Variants in EIF3A observed in about 807,000 individuals in gnomAD.
EIF3A encodes the protein eukaryotic translation initiation factor 3 subunit A.
In EIF3A, 21 loss-of-function variants were observed where a neutral mutation model predicts 186.6. That is an observed-to-expected ratio of 0.11 (90% confidence interval 0.08 to 0.16). EIF3A has a LOEUF of 0.16. EIF3A is among the 10% of genes least tolerant of loss of function. The pLI is 1.00. For synonymous variants in EIF3A, 563 were observed against 584.3 expected (o/e 0.96, Z 0.52); for missense variants, 1,306 against 1,796.3 (o/e 0.73, Z 4.93).
rs1156657149 is a variant in EIF3A, at chr10:119,070,982, A to G, written c.645T>C (p.Ser215=). The change falls in exon 5 of 22, where the codon AGT becomes AGC. Residue 215 remains serine, a synonymous_variant. Coordinates refer to ENST00000369144, the MANE Select transcript of EIF3A (RefSeq NM_003750.4). ...CTGGATTATTAAGATTGATTGCCGTACTTTGGTTATGGTGGCGCTGAATCT... is the reference window on the plus strand; with the variant it reads ...CTGGATTATTAAGATTGATTGCCGTGCTTTGGTTATGGTGGCGCTGAATCT... ...LSQIQRHHNQ[S]TAINLNNPES... 4 of 1,613,980 alleles carry G rather than the reference A, an allele frequency of 2.5e-6. No homozygotes were observed. Among genetic ancestry groups the G allele is most frequent in the Non-Finnish European group, 3.4e-6 (4 of 1,179,824 alleles).
chr10:119,044,567 G>C (rs1848256816), intron 17 of EIF3A, among the ~76,000 whole-genome samples: 1 of 152,184 alleles, frequency 6.6e-6, no homozygotes, highest in South Asian at 2.1e-4. Flanking sequence ...TACTCTGATG[G>C]GCCGGGCGCG....
chr10:119,070,695 A>C (rs1844057672), intron 5 of EIF3A, among the ~76,000 whole-genome samples, 191 bp downstream of exon 5: 2 of 152,244 alleles, frequency 1.3e-5, no homozygotes, highest in South Asian at 4.1e-4. Context: ...TCCAGAATTC[A>C]TAGAAGGCAA....
chr10:119,036,088 C>G lies in EIF3A; in HGVS notation c.4100G>C (p.Arg1367Pro). 1 of 1,614,002 alleles carries G rather than the reference C, an allele frequency of 6.2e-7. No homozygotes were observed. Among genetic ancestry groups the G allele is most frequent in the Non-Finnish European group, 8.5e-7 (1 of 1,179,968 alleles). Residue 1367 changes from arginine to proline, a missense_variant, in exon 22 of 22, where the codon CGT (arginine) becomes CCT (proline). Coordinates refer to ENST00000369144, the MANE Select transcript of EIF3A (RefSeq NM_003750.4). ...RAEKDRESLR[R>P]TKNETDEDGW... is the part of the protein sequence containing the mutation. ...ATCTTCATCAGTCTCATTTTTAGTA[C>G]GACGGAGAGATTCCCTATCTTTCTC... is the stretch of plus-strand genomic sequence containing the variant.
At chr10:119,079,473 A>T (rs768638385) in intron 1 of EIF3A, among the ~76,000 whole-genome samples, 8 of 152,210 alleles carry the variant, frequency 5.3e-5, no homozygotes, top group Non-Finnish European at 1.0e-4. Flanking sequence ...GTAACTCACA[A>T]GGTATATTCA....
intron 1 of EIF3A, 82 bp downstream of exon 1, chr10:119,080,546 G>C: frequency 4.7e-6 from 7 of 1,484,342 alleles, no homozygotes; most frequent in Non-Finnish European, 6.2e-6. Flanking sequence ...CCGGGCGGCG[G>C]AGCAGTGGGA....
chr10:119,049,277 T>C (rs891526765), intron 17 of EIF3A, among the ~76,000 whole-genome samples: 1 of 152,120 alleles, frequency 6.6e-6, no homozygotes, highest in African/African-American at 2.4e-5. Flanking sequence ...CTGGCCAACA[T>C]GGTGAAACCA....
chr10:119,072,024 C>CAAAAAAAAAAAA (rs56100757), intron 4 of EIF3A, among the ~76,000 whole-genome samples: 3 of 59,446 alleles, frequency 5.0e-5, no homozygotes, highest in African/African-American at 1.2e-4. Flanking sequence ...GACTCTGTCT[C>CAAAAAAAAAAAA]AAAAAAAAAA....
intron 17 of EIF3A, among the ~76,000 whole-genome samples, chr10:119,047,252 A>G (rs1848293295): frequency 1.3e-5 from 2 of 152,170 alleles, no homozygotes; most frequent in Non-Finnish European, 2.9e-5. Flanking sequence ...TGGGCAACAG[A>G]GCGAGACTGT....
intron 17 of EIF3A, among the ~76,000 whole-genome samples, chr10:119,048,670 TCTTTTTTTTTTTTTCCCCTGAGA>T (rs1848315051): frequency 6.6e-6 from 1 of 151,056 alleles, no homozygotes; most frequent in Admixed American, 6.6e-5. Flanking sequence ...AATTCACGAT[TCTTTTTTTTTTTTTCCCCTGAGA>T]CAGAGTCTTG....
intron 1 of EIF3A, among the ~76,000 whole-genome samples, chr10:119,077,962 T>A (rs1038656187): frequency 6.6e-6 from 1 of 152,164 alleles, no homozygotes; most frequent in Non-Finnish European, 1.5e-5. Context: ...AGATTAATAT[T>A]ATAGAAATAA....
chr10:119,046,323 G>C (rs1848282174), intron 17 of EIF3A, among the ~76,000 whole-genome samples: 1 of 152,098 alleles, frequency 6.6e-6, no homozygotes, highest in African/African-American at 2.4e-5. Flanking sequence ...GCCAAATAAT[G>C]AACCATTTAT....
rs1261567281 is a variant in EIF3A at position 119,036,172 on chromosome 10, C to A, written c.4016G>T (p.Arg1339Leu). The change falls in exon 22 of 22, where the codon CGA becomes CTA. Residue 1339 changes from arginine to leucine, a missense_variant. Physicochemically the swap from Arg to Leu is moderately radical, Grantham distance 102. Transcript: ENST00000369144. ...RVPPPALSRDRERDRDREREG... is the reference protein window; with the variant it reads ...RVPPPALSRDLERDRDREREG... ...TCTTTCTCGGTCTCGGTCTCTTTCT[C>A]GGTCTCTTGAAAGAGCTGGGGGAGG... 1.9e-6 allele frequency: 3 copies of A among 1,613,576 alleles called. No individual in the cohort carries two copies. Among genetic ancestry groups the A allele is most frequent in the Non-Finnish European group, 2.5e-6 (3 of 1,179,808 alleles).
In EIF3A at chr10:119,056,768, T is replaced by C. The variant is rs1441777776; in HGVS notation, c.2168A>G (p.Asp723Gly). ...AYEEQRIKDM[D>G]LWEQQEEERI... ...TTCTTCCTCTTGTTGCTCCCACAGA[T>C]CCATGTCTTTAATTCTCTGTTCCTC... The change falls in exon 14 of 22, where the codon GAT becomes GGT. Residue 723 changes from aspartate (D) to glycine (G), a missense_variant. Asp to Gly is a moderately conservative substitution (Grantham distance 94, BLOSUM62 -1). Around this residue, in one of 8 missense-constraint regions of EIF3A, gnomAD observed 94 missense variants for 204.9 expected, o/e 0.46. Coordinates refer to ENST00000369144, the MANE Select transcript of EIF3A (RefSeq NM_003750.4). 6.2e-7 allele frequency: 1 copy of C among 1,611,176 alleles called. No homozygotes were observed. Among genetic ancestry groups the C allele is most frequent in the Non-Finnish European group, 8.5e-7 (1 of 1,177,760 alleles).
At chr10:119,053,587 T>C (rs1003922928) in intron 14 of EIF3A, among the ~76,000 whole-genome samples, 14 of 145,594 alleles carry the variant, frequency 9.6e-5, no homozygotes, top group Non-Finnish European at 1.5e-4. Flanking sequence ...AAGCTAGGCA[T>C]GGTGGTGCAT....
chr10:119,072,043 A>AAAAG (rs1165520354), intron 4 of EIF3A, among the ~76,000 whole-genome samples: 9 of 131,552 alleles, frequency 6.8e-5, no homozygotes, highest in East Asian at 2.2e-4. Context: ...AAAAAAAAAA[A>AAAAG]AAAGAAAGAA....
intron 1 of EIF3A, among the ~76,000 whole-genome samples, chr10:119,074,475 A>ATAAAAT (rs11410769): frequency 6.6e-6 from 1 of 151,824 alleles, no homozygotes; most frequent in Non-Finnish European, 1.5e-5. Context: ...CTCAAAAAAA[A>ATAAAAT]AAAATAAAAT....
At chr10:119,059,539 A>C (rs1372449651) in intron 10 of EIF3A, 63 bp downstream of exon 10, 26 of 1,397,480 alleles carry the variant, frequency 1.9e-5, no homozygotes, top group Non-Finnish European at 2.5e-5. Context: ...GCTGAGAAAC[A>C]GAAGGTATGT....
Position 119,033,778 on chromosome 10 carries a change from C to G in EIF3A, c.*2261G>C, listed in dbSNP as rs938155208. 1.2e-5 allele frequency: 2 copies of G among 166,726 alleles called. No homozygotes were observed. The highest frequency in any genetic ancestry group is 2.9e-5 in the Non-Finnish European group (2 of 68,100). 10.3% of individuals were successfully genotyped at this position (166,726 alleles called of 1,614,324 possible). A position where few individuals can be genotyped will look rare whatever the true frequency, so the allele number is the denominator to read the frequency against. ...AGTTTGTTAGTCCTGATTTTCTAAT[C>G]GTAGCCACTCAAGGAACAGTCCTTT... On this transcript the variant is annotated 3_prime_UTR_variant, in exon 22 of 22. Coordinates refer to ENST00000369144, the MANE Select transcript of EIF3A (RefSeq NM_003750.4).
In EIF3A at chr10:119,036,252, A is replaced by G; in HGVS notation, c.3936T>C (p.Arg1312=). The G allele has an allele frequency of 6.2e-7, 1 of 1,613,604 alleles. No individual in the cohort carries two copies. Among genetic ancestry groups the G allele is most frequent in the Non-Finnish European group, 8.5e-7 (1 of 1,179,850 alleles). ...SEREEVSSWR[R]ADDRKDDRVE... ...CCCGGTCATCTTTCCTGTCATCAGC[A>G]CGTCTCCAAGAACTTACTAAAAAGT... The change falls in exon 22 of 22, where the codon CGT becomes CGC. Residue 1312 remains arginine (R), a synonymous_variant. Transcript: ENST00000369144.
Sources: allele counts gnomAD v4.1 joint callset (sites outside exome capture counted in the v4.1 genomes callset), GRCh38; gene constraint gnomAD v4.1.1; regional missense constraint gnomAD v4.1.1; transcripts MANE v1.5; gene names NCBI Gene and HGNC (gene_info 2026-07-23, HGNC 2026-07-21).